LNX2: variants seen among roughly 807,000 people sequenced by gnomAD.
LNX2 encodes ligand of numb-protein X 2, also known as ligand of Numb protein X 2.
LNX2 carries 35 observed loss-of-function variants against 66.2 expected under a neutral mutation model. The observed-to-expected ratio is 0.53, with a 90% confidence interval of 0.40 to 0.70. The LOEUF is 0.70. Among genes scored for constraint, LNX2 ranks in the 30% least tolerant of loss-of-function variants. The probability of loss-of-function intolerance (pLI) is 0.00; values close to 1 mark genes in which losing one functional copy is unlikely to be tolerated. For synonymous variants in LNX2, 337 were observed against 315.6 expected (o/e 1.07, Z -0.72); for missense variants, 791 against 850.8 (o/e 0.93, Z 0.87).
At chr13:27,585,452 A>T (rs1272298990) in intron 1 of LNX2, among the ~76,000 whole-genome samples, 4 of 151,420 alleles carry the variant, frequency 2.6e-5, no homozygotes, top group African/African-American at 9.7e-5. Flanking sequence ...AAATAAATAA[A>T]TATATAAAAA....
rs1275915342 is a variant in LNX2, at chr13:27,559,864, T to C, written c.1346A>G (p.Tyr449Cys). 1.2e-6 allele frequency: 2 copies of C among 1,603,982 alleles called. No homozygotes were observed. The highest frequency in any genetic ancestry group is 1.1e-5 in the South Asian group (1 of 90,166). Residue 449 changes from tyrosine (Y) to cysteine (C), a missense_variant, in exon 6 of 10, where the codon TAT becomes TGT. Physicochemically the swap from Tyr to Cys is radical, Grantham distance 194. Transcript: ENST00000316334. ...SSQHHTPPPY[Y>C]SRPSSHKDLT... Reference sequence around the variant, plus strand: ...CACCTTATGTGAGCTTGGTCTGCTATAATACGGTGGTGGTGTGTGGTGCTG... The same window carrying C: ...CACCTTATGTGAGCTTGGTCTGCTACAATACGGTGGTGGTGTGTGGTGCTG...
At position 27,567,765 on chromosome 13, in the gene LNX2, G is replaced by C. The variant is rs1955224610; in HGVS notation, c.730C>G (p.Gln244Glu). 6.2e-7 allele frequency: 1 copy of C among 1,613,734 alleles called. No individual in the cohort carries two copies. Among genetic ancestry groups the C allele is most frequent in the Non-Finnish European group, 8.5e-7 (1 of 1,179,750 alleles). ...IEIHRSNPYI[Q>E]LGISIVGGNE... ...CCACCCACAATGCTGATTCCTAACT[G>C]AATGTAAGGATTGGACCGATGAATT... Residue 244 changes from glutamine (Q) to glutamate (E), a missense_variant, in exon 4 of 10, where the codon CAG (glutamine) becomes GAG (glutamate). Coordinates refer to ENST00000316334, the MANE Select transcript of LNX2 (RefSeq NM_153371.4).
intron 1 of LNX2, among the ~76,000 whole-genome samples, chr13:27,605,565 T>C (rs1044269884): frequency 6.6e-6 from 1 of 152,154 alleles, no homozygotes; most frequent in African/African-American, 2.4e-5. Context: ...CAGTAAAGAG[T>C]AAGACAGCTT....
At chr13:27,579,417 A>G (rs1231131600) in intron 2 of LNX2, among the ~76,000 whole-genome samples, 1 of 152,200 alleles carries the variant, frequency 6.6e-6, no homozygotes, top group East Asian at 1.9e-4. Context: ...TTACAGGCCT[A>G]AGATACTTTA....
In LNX2 at chr13:27,546,071, C is replaced by A. The variant is rs1954934217; in HGVS notation, c.*2264G>T. The A allele has an allele frequency of 6.6e-6, 1 of 152,106 alleles. No homozygotes were observed. Among genetic ancestry groups the A allele is most frequent in the Admixed American group, 6.6e-5 (1 of 15,266 alleles). 9.4% of individuals were successfully genotyped at this position (152,106 alleles called of 1,614,324 possible). On this transcript the variant is annotated 3_prime_UTR_variant, in exon 10 of 10. Coordinates refer to ENST00000316334, the MANE Select transcript of LNX2 (RefSeq NM_153371.4). ...GAAAATCCAAATAGTTCTATAGTAA[C>A]AATAAATTATGAACAAGTTTCCGTC...
intron 1 of LNX2, among the ~76,000 whole-genome samples, chr13:27,583,204 G>GTCCTCTCCAATATAACTT (rs1955425105): frequency 2.4e-4 from 4 of 16,552 alleles, no homozygotes; most frequent in African/African-American, 1.3e-3. Context: ...GTGTGTGTGT[G>GTCCTCTCCAATATAACTT]TGTGTGTGTG....
chr13:27,583,210 G>GCCCTCTCCAATATAAC (rs1254840221), intron 1 of LNX2, among the ~76,000 whole-genome samples: 5 of 22,078 alleles, frequency 2.3e-4, no homozygotes, highest in Admixed American at 3.9e-4. Context: ...GTGTGTGTGT[G>GCCCTCTCCAATATAAC]TGTGTGTGTG....
chr13:27,565,127 T>C (rs1955189019), intron 4 of LNX2, among the ~76,000 whole-genome samples: 2 of 152,222 alleles, frequency 1.3e-5, no homozygotes, highest in South Asian at 4.1e-4. Flanking sequence ...ATGTAGACTT[T>C]ATAACTGAAT....
rs35280780 is a variant in LNX2 at position 27,593,563 on chromosome 13, C to CTTT, written c.-100-11763_-100-11761dup. 1.5e-3 allele frequency among the ~76,000 whole-genome samples: 175 copies of CTTT among 115,550 alleles called. 1 individual carries two copies. The highest frequency in any genetic ancestry group is 3.8e-3 in the African/African-American group (120 of 31,874). 75.8% of individuals were successfully genotyped at this position (115,550 alleles called of 152,430 possible). A position where few individuals can be genotyped will look rare whatever the true frequency, so the allele number is the denominator to read the frequency against. ...CCTTGAAACTCTTTGCTGGCTGAAA[C>CTTT]TTTTTTTTTTTTTTTTTTTTTGAGA... On this transcript the variant is annotated intron_variant, in intron 1 of 9. Transcript: ENST00000316334.
intron 1 of LNX2, among the ~76,000 whole-genome samples, chr13:27,592,161 T>C (rs367687190): frequency 1.3e-5 from 2 of 152,310 alleles, no homozygotes; most frequent in East Asian, 1.9e-4. Context: ...GGCTGCTATG[T>C]TGAAAATAAT....
chr13:27,564,391 AATT>A (rs1383145718), intron 4 of LNX2, among the ~76,000 whole-genome samples: 2 of 151,980 alleles, frequency 1.3e-5, no homozygotes, highest in African/African-American at 4.8e-5. Flanking sequence ...CAACAGCTGT[AATT>A]ATTTTCCTTC....
At chr13:27,579,192 TATA>T (rs987456382) in intron 2 of LNX2, among the ~76,000 whole-genome samples, 3 of 151,980 alleles carry the variant, frequency 2.0e-5, no homozygotes, top group Non-Finnish European at 4.4e-5. Flanking sequence ...TTGAATGTTG[TATA>T]ATATACATTT....
rs11281345 is a variant in LNX2, at chr13:27,583,261, C to CGCGTGGGCGT, written c.-100-1459_-100-1458insACGCCCACGC. ...GTGTGTGTGTGTGTGTGTGTGCGCG[C>CGCGTGGGCGT]GTCCTCTCCAACATACTTATTTTTA... On this transcript the variant is annotated intron_variant, in intron 1 of 9. Coordinates refer to ENST00000316334, the MANE Select transcript of LNX2 (RefSeq NM_153371.4). 1.0e-3 allele frequency among the ~76,000 whole-genome samples: 47 copies of CGCGTGGGCGT among 45,484 alleles called. 8 individuals carry two copies. Among genetic ancestry groups the CGCGTGGGCGT allele is most frequent in the African/African-American group, 2.8e-3 (33 of 11,800 alleles). 29.8% of individuals were successfully genotyped at this position (45,484 alleles called of 152,430 possible).
intron 1 of LNX2, among the ~76,000 whole-genome samples, chr13:27,584,150 G>C (rs1955457796): frequency 6.6e-6 from 1 of 152,228 alleles, no homozygotes; most frequent in African/African-American, 2.4e-5. Flanking sequence ...CTTAAGAGTA[G>C]GATACCATGT....
chr13:27,577,836 G>A (rs955990336), intron 2 of LNX2, among the ~76,000 whole-genome samples: 7 of 152,138 alleles, frequency 4.6e-5, no homozygotes, highest in Admixed American at 1.3e-4. Flanking sequence ...ATGTTAAATC[G>A]TTAAGGGTGG....
intron 9 of LNX2, among the ~76,000 whole-genome samples, 182 bp from the exon 10 acceptor site, chr13:27,548,652 C>G (rs576401412): frequency 6.6e-6 from 1 of 152,316 alleles, no homozygotes; most frequent in African/African-American, 2.4e-5. Flanking sequence ...CCTTGCCAAT[C>G]AAGGAAACCC....
intron 6 of LNX2, 80 bp downstream of exon 6, chr13:27,559,762 A>C (rs1440482072): frequency 7.3e-7 from 1 of 1,368,330 alleles, no homozygotes; most frequent in Non-Finnish European, 9.7e-7. Context: ...ACTGACACAC[A>C]AAAAAACCTT....
chr13:27,583,075 C>A (rs1955420558), intron 1 of LNX2, among the ~76,000 whole-genome samples: 1 of 151,684 alleles, frequency 6.6e-6, no homozygotes, highest in African/African-American at 2.4e-5. Context: ...AAAAACCTGC[C>A]AAAATTCAAT....
chr13:27,560,855 GTGGAGAC>G (rs377461882), intron 5 of LNX2, among the ~76,000 whole-genome samples: 65 of 152,166 alleles, frequency 4.3e-4, no homozygotes, highest in African/African-American at 1.5e-3. Context: ...GTGGTACAAA[GTGGAGAC>G]CTCTCCCATG....
Sources: gnomAD v4.1 joint callset for allele counts (sites outside exome capture counted in the v4.1 genomes callset) on GRCh38, gnomAD v4.1.1 for gene constraint, MANE v1.5 for transcripts, NCBI Gene and HGNC (gene_info 2026-07-23, HGNC 2026-07-21) for gene names.